Variants in URI1 observed in about 807,000 individuals in gnomAD.
The protein encoded by URI1 is unconventional prefoldin RPB5 interactor 1.
In URI1, 39 loss-of-function variants were observed where a neutral mutation model predicts 60.2. That is an observed-to-expected ratio of 0.65 (90% CI 0.50 to 0.85). URI1 has a LOEUF of 0.85. URI1 is among the 40% of genes least tolerant of loss of function. URI1 has a pLI of 0.00. For missense variants in URI1, 691 were observed against 665.9 expected (o/e 1.04, Z -0.42); for synonymous variants, 251 against 236.8 (o/e 1.06, Z -0.55).
intron 1 of URI1, among the ~76,000 whole-genome samples, chr19:29,968,222 T>C (rs1250501690): frequency 6.6e-6 from 1 of 152,168 alleles, no homozygotes; most frequent in Non-Finnish European, 1.5e-5. Flanking sequence ...AAAATGAAAA[T>C]AATACAATAA....
intron 10 of URI1, 76 bp from the exon 11 acceptor site, chr19:30,014,811 C>G: frequency 7.1e-7 from 1 of 1,402,212 alleles, no homozygotes. Context: ...AAAAGAATTG[C>G]CAAATGAGTG....
In URI1 at chr19:30,015,197, TTTACCC is replaced by T. The variant is rs2056070934; in HGVS notation, c.*135_*140del. On this transcript the variant is annotated 3_prime_UTR_variant, in exon 11 of 11. Transcript: ENST00000392271. ...CTGAGTTACTTTGGCAACAAGTTCT[TTTACCC>T]TTACCCGTGGTATTTGAAAAAAATC... 14 of 1,444,254 alleles carry T rather than the reference TTTACCC, an allele frequency of 9.7e-6. No individual in the cohort carries two copies. In the South Asian group the frequency reaches 2.2e-4, roughly 23 times the overall value. The allele number at this position is 1,444,254 out of a possible 1,614,324, so 89.5% of individuals were successfully genotyped here.
At chr19:29,992,567 A>C (rs1449524729) in intron 4 of URI1, among the ~76,000 whole-genome samples, 1 of 152,088 alleles carries the variant, frequency 6.6e-6, no homozygotes, top group Non-Finnish European at 1.5e-5. Flanking sequence ...TTAGTATCTT[A>C]TTACTCTGTT....
At chr19:29,948,776 C>G (rs897787657) in intron 1 of URI1, among the ~76,000 whole-genome samples, 2 of 152,208 alleles carry the variant, frequency 1.3e-5, no homozygotes, top group African/African-American at 4.8e-5. Flanking sequence ...ATTCCTTTAT[C>G]TTTTCCCCAC....
chr19:29,972,471 C>T (rs937096237), intron 2 of URI1, among the ~76,000 whole-genome samples: 3 of 152,020 alleles, frequency 2.0e-5, no homozygotes, highest in Admixed American at 6.6e-5. Context: ...AGTTTATTAA[C>T]GTGGACTTCT....
chr19:29,958,483 C>T (rs1006285446), intron 1 of URI1, among the ~76,000 whole-genome samples: 4 of 152,086 alleles, frequency 2.6e-5, no homozygotes, highest in Non-Finnish European at 2.9e-5. Flanking sequence ...TGGTAAATTA[C>T]TTTGATTCTT....
chr19:29,934,221 C>G (rs1274001615), intron 1 of URI1, among the ~76,000 whole-genome samples: 2 of 152,152 alleles, frequency 1.3e-5, no homozygotes, highest in Non-Finnish European at 2.9e-5. Context: ...CAGGCATCAG[C>G]CACCATGCCT....
At chr19:30,012,597 T>A in intron 10 of URI1, 66 bp downstream of exon 10, 6 of 1,540,620 alleles carry the variant, frequency 3.9e-6, no homozygotes, top group Non-Finnish European at 5.2e-6. Context: ...AGCTATTTAA[T>A]CTGAAAAGTC....
chr19:29,941,851 C>T (rs1184621659), upstream of URI1, among the ~76,000 whole-genome samples: 1 of 152,066 alleles, frequency 6.6e-6, no homozygotes, highest in Non-Finnish European at 1.5e-5. Context: ...TATGAAACAG[C>T]TCTAGTACAT....
chr19:30,010,093 T>G (rs1333563606), intron 8 of URI1, among the ~76,000 whole-genome samples: 3 of 152,148 alleles, frequency 2.0e-5, no homozygotes, highest in African/African-American at 7.2e-5. Context: ...GGAATTCGTC[T>G]AATTCGTCTT....
At chr19:30,012,627 A>G (rs1281445787) in intron 10 of URI1, 96 bp downstream of exon 10, 32 of 1,438,006 alleles carry the variant, frequency 2.2e-5, no homozygotes, top group Non-Finnish European at 2.8e-5. Context: ...AATTAATTCT[A>G]GGTTTTATAC....
intron 1 of URI1, among the ~76,000 whole-genome samples, chr19:29,931,427 A>AGCAT (rs1433970270): frequency 3.3e-5 from 5 of 152,280 alleles, no homozygotes; most frequent in Non-Finnish European, 5.9e-5. Flanking sequence ...TTGCATGCAG[A>AGCAT]GCAAGAGAAA....
intron 1 of URI1, among the ~76,000 whole-genome samples, chr19:29,960,903 G>A (rs974901797): frequency 2.6e-5 from 4 of 151,832 alleles, no homozygotes; most frequent in African/African-American, 9.7e-5. Flanking sequence ...ACCCAGGCTG[G>A]AGTGCAGTGG....
At position 29,942,299 on chromosome 19, in the gene URI1, G is replaced by A. The variant is rs1599655648; in HGVS notation, c.-249G>A. On this transcript the variant is annotated 5_prime_UTR_variant, in exon 1 of 11. Transcript: ENST00000392271. ...TGGGCCCGCACCGGAGAGGCGTCTC[G>A]GTACCTGGCAGGCGGCCTGCTACTC... 3 of 985,090 alleles carry A rather than the reference G, an allele frequency of 3.0e-6. No individual in the cohort carries two copies. The highest frequency in any genetic ancestry group is 1.1e-4 in the East Asian group (1 of 8,812). 61.0% of individuals were successfully genotyped at this position (985,090 alleles called of 1,614,324 possible). A position where few individuals can be genotyped will look rare whatever the true frequency, so the allele number is the denominator to read the frequency against.
intron 4 of URI1, among the ~76,000 whole-genome samples, chr19:29,996,711 C>G (rs75901867): frequency 8.6e-5 from 13 of 151,970 alleles, no homozygotes; most frequent in Non-Finnish European, 8.8e-5. Flanking sequence ...CGCAGTCTTT[C>G]ATCATAGAGT....
At chr19:30,012,201 A>G (rs930991389) in intron 9 of URI1, 84 bp from the exon 10 acceptor site, 13 of 1,465,360 alleles carry the variant, frequency 8.9e-6, no homozygotes, top group Admixed American at 2.4e-5. Flanking sequence ...AATTTCTAGA[A>G]TAGATTCAAG....
chr19:29,955,084 C>T, intron 1 of URI1, among the ~76,000 whole-genome samples: 1 of 151,612 alleles, frequency 6.6e-6, no homozygotes, highest in Admixed American at 6.6e-5. Context: ...GGCTCCGCCT[C>T]CCGGGTTCAT....
At chr19:29,962,402 C>CTTTTTTTTTTTTTTTT (rs11331580) in intron 1 of URI1, among the ~76,000 whole-genome samples, 1 of 123,480 alleles carries the variant, frequency 8.1e-6, no homozygotes, top group Non-Finnish European at 1.7e-5. Flanking sequence ...TTTATAGTAT[C>CTTTTTTTTTTTTTTTT]TTTTTTTTTT....
intron 4 of URI1, 83 bp from the exon 5 acceptor site, chr19:30,005,275 TGTA>T: frequency 2.8e-6 from 2 of 715,050 alleles, no homozygotes; most frequent in Non-Finnish European, 4.6e-6. Flanking sequence ...AAATCATACT[TGTA>T]GTGTGATAGG....
Sources: gnomAD v4.1 joint callset for allele counts (sites outside exome capture counted in the v4.1 genomes callset) on GRCh38, gnomAD v4.1.1 for gene constraint, MANE v1.5 for transcripts, NCBI Gene and HGNC (gene_info 2026-07-23, HGNC 2026-07-21) for gene names.